MSH6: variants seen among roughly 807,000 people sequenced by gnomAD.
MSH6 encodes DNA mismatch repair protein Msh6.
In MSH6, 85 loss-of-function variants were observed where a neutral mutation model predicts 119.1. The ratio of observed to expected loss-of-function variants is 0.71; its 90% confidence interval spans 0.60 to 0.85. The LOEUF (loss-of-function observed/expected upper bound fraction) is 0.85, where lower values mean the gene tolerates loss of function less well. Among genes scored for constraint, MSH6 ranks in the 40% least tolerant of loss-of-function variants. The probability of loss-of-function intolerance (pLI) is 0.00; values close to 1 mark genes in which losing one functional copy is unlikely to be tolerated. For synonymous variants in MSH6, 830 were observed against 586.9 expected (o/e 1.41, Z -5.99); for missense variants, 2,163 against 1,655.3 (o/e 1.31, Z -5.32).
At position 47,805,733 on chromosome 2, in the gene MSH6, A is replaced by G. The variant is rs571283678; in HGVS notation, c.3646+26A>G. The G allele has an allele frequency of 8.8e-6, 11 of 1,254,966 alleles. No homozygotes were observed. The highest frequency in any genetic ancestry group is 1.2e-5 in the Non-Finnish European group (11 of 894,116). The allele number at this position is 1,254,966 out of a possible 1,614,324, so 77.7% of individuals were successfully genotyped here. On this transcript the variant is annotated intron_variant, in intron 7 of 9. Transcript: ENST00000234420. ...GTAAGACATTAAACTTCTCATTTGAAGACTATCTATCTTAAAAACATTTGT... is the reference window on the plus strand; with the variant it reads ...GTAAGACATTAAACTTCTCATTTGAGGACTATCTATCTTAAAAACATTTGT...
rs1572721819 is a variant in MSH6, at chr2:47,799,120, A to C, written c.1137A>C (p.Arg379Ser). Reference sequence around the variant, plus strand: ...AATGGCTTAAGGAGGAAAAGAGAAGAGATGAGCACAGGAGGAGGCCTGATC... The same window carrying C: ...AATGGCTTAAGGAGGAAAAGAGAAGCGATGAGCACAGGAGGAGGCCTGATC... ...TLEWLKEEKR[R>S]DEHRRRPDHP... The change falls in exon 4 of 10, where the codon AGA becomes AGC. Residue 379 changes from arginine (R) to serine (S), a missense_variant. Transcript: ENST00000234420. The C allele has an allele frequency of 6.2e-7, 1 of 1,614,178 alleles. No individual in the cohort carries two copies.
At position 47,806,935 on chromosome 2, in the gene MSH6, C is replaced by CTTTA; in HGVS notation, c.*79_*82dup. 1 of 1,133,820 alleles carries CTTTA rather than the reference C, an allele frequency of 8.8e-7. No individual in the cohort carries two copies. Among genetic ancestry groups the CTTTA allele is most frequent in the South Asian group, 1.3e-5 (1 of 76,432 alleles). 70.2% of individuals were successfully genotyped at this position (1,133,820 alleles called of 1,614,324 possible). A position where few individuals can be genotyped will look rare whatever the true frequency, so the allele number is the denominator to read the frequency against. On this transcript the variant is annotated 3_prime_UTR_variant, in exon 10 of 10. Coordinates refer to ENST00000234420, the MANE Select transcript of MSH6 (RefSeq NM_000179.3). Reference sequence around the variant, plus strand: ...TCAGACAACATTATGATCTAATAAACTTTATTTTTTAAAAATGACCATTTT... The same window carrying CTTTA: ...TCAGACAACATTATGATCTAATAAACTTTATTTATTTTTTAAAAATGACCATTTT...
At position 47,800,911 on chromosome 2, in the gene MSH6, T is replaced by C. The variant is rs764440377; in HGVS notation, c.2928T>C (p.Arg976=). 2.0e-5 allele frequency: 32 copies of C among 1,584,034 alleles called. No homozygotes were observed. In the South Asian group the frequency reaches 3.6e-4, roughly 18 times the overall value. ...TIVYWGIGRN[R]YQLEIPENFT... ...TCTATTGGGGGATTGGTAGGAACCGTTACCAGCTGGAAATTCCTGAGAATT... is the reference window on the plus strand; with the variant it reads ...TCTATTGGGGGATTGGTAGGAACCGCTACCAGCTGGAAATTCCTGAGAATT... The change falls in exon 4 of 10, where the codon CGT becomes CGC. Residue 976 remains arginine, a synonymous_variant. Coordinates refer to ENST00000234420, the MANE Select transcript of MSH6 (RefSeq NM_000179.3).
chr2:47,799,206 C>G lies in MSH6; in HGVS notation c.1223C>G (p.Pro408Arg), dbSNP rs767404845. ...VPEDFLNSCT[P>R]GMRKWWQIKS... ...GAGGATTTCCTCAATTCTTGTACTC[C>G]TGGGATGAGGAAGTGGTGGCAGATT... Residue 408 changes from proline to arginine, a missense_variant, in exon 4 of 10, where the codon CCT (proline) becomes CGT (arginine). Transcript: ENST00000234420. 1.2e-6 allele frequency: 2 copies of G among 1,614,128 alleles called. No individual in the cohort carries two copies. Among genetic ancestry groups the G allele is most frequent in the Non-Finnish European group, 1.7e-6 (2 of 1,180,016 alleles).
At chr2:47,788,400 G>A (rs542936058) in intron 1 of MSH6, among the ~76,000 whole-genome samples, 13 of 149,768 alleles carry the variant, frequency 8.7e-5, no homozygotes, top group Admixed American at 6.0e-4. Context: ...GATTACAGAT[G>A]CCCGCCACCA....
rs750800736 is a variant in MSH6 at position 47,799,878 on chromosome 2, A to C, written c.1895A>C (p.Lys632Thr). The C allele has an allele frequency of 6.2e-7, 1 of 1,614,182 alleles. No homozygotes were observed. The highest frequency in any genetic ancestry group is 8.5e-7 in the Non-Finnish European group (1 of 1,180,038). Residue 632 changes from lysine (K) to threonine (T), a missense_variant, in exon 4 of 10, where the codon AAA becomes ACA. Transcript: ENST00000234420. ...GGCTCCCAGTTTTGGGATGCATCCA[A>C]AACTTTGAGAACTCTCCTTGAGGAA... Reference protein sequence around the residue: ...IPGSQFWDASKTLRTLLEEEY... With the variant: ...IPGSQFWDASTTLRTLLEEEY...
At position 47,788,414 on chromosome 2, in the gene MSH6, C is replaced by T. The variant is rs371671277; in HGVS notation, c.261-2513C>T. ...GGATTACAGATGCCCGCCACCATGC[C>T]CAGCTAATTTTTATTTTTTTAGTAG... On this transcript the variant is annotated intron_variant, in intron 1 of 9. Transcript: ENST00000234420. Among the ~76,000 whole-genome samples, 86 of 150,552 alleles carry T rather than the reference C, an allele frequency of 5.7e-4. 1 individual carries two copies. In the South Asian group the frequency reaches 0.014, roughly 25 times the overall value.
At chr2:47,805,760 C>A (rs2104528699) in intron 7 of MSH6, 53 bp downstream of exon 7, 1 of 1,290,724 alleles carries the variant, frequency 7.7e-7, no homozygotes, top group Non-Finnish European at 1.1e-6. Flanking sequence ...AACATTTGTA[C>A]AAATAACTAT....
At chr2:47,808,446 A>C (rs1460227977), downstream of MSH6, 12 of 1,561,010 alleles carry the variant, frequency 7.7e-6, no homozygotes, top group Non-Finnish European at 1.0e-5. Context: ...CAAAAGCTTA[A>C]ATTACTTTTC....
At chr2:47,796,187 A>G (rs1558656915) in intron 3 of MSH6, 124 bp downstream of exon 3, 4 of 956,142 alleles carry the variant, frequency 4.2e-6, no homozygotes, top group Admixed American at 2.0e-5. Flanking sequence ...TTTATTATAC[A>G]TACATGCATA....
chr2:47,809,102 T>A, downstream of MSH6: 1 of 1,158,508 alleles, frequency 8.6e-7, no homozygotes, highest in Admixed American at 2.2e-5. Context: ...GCATTGCTAA[T>A]TTAAAAAGGA....
intron 2 of MSH6, among the ~76,000 whole-genome samples, chr2:47,793,168 A>C (rs1346459374): frequency 1.3e-5 from 2 of 151,700 alleles, no homozygotes; most frequent in Non-Finnish European, 2.9e-5. Flanking sequence ...TAAAAATACA[A>C]AAATTAGCTG....
At chr2:47,807,295 G>GTAGTT (rs1339815518), downstream of MSH6, 1 of 217,718 alleles carries the variant, frequency 4.6e-6, no homozygotes, top group African/African-American at 2.3e-5. Flanking sequence ...TTAAAACATA[G>GTAGTT]TAGTTTTTTA....
At chr2:47,785,967 CT>C (rs1414476245) in intron 1 of MSH6, among the ~76,000 whole-genome samples, 1 of 152,224 alleles carries the variant, frequency 6.6e-6, no homozygotes, top group Non-Finnish European at 1.5e-5. Context: ...TCTAAAGAAA[CT>C]GCAGTGTCTA....
chr2:47,802,635 G>GTTTTTT (rs527836963), intron 4 of MSH6, among the ~76,000 whole-genome samples: 1 of 115,908 alleles, frequency 8.6e-6, no homozygotes, highest in African/African-American at 3.1e-5. Context: ...GCCCAGCCCT[G>GTTTTTT]TTTTTTTTTT....
At chr2:47,784,617 C>T (rs904913013) in intron 1 of MSH6, 1 of 152,198 alleles carries the variant, frequency 6.6e-6, no homozygotes, top group Non-Finnish European at 1.5e-5. Flanking sequence ...AATGCGCCCC[C>T]ACACCCCGCC....
intron 1 of MSH6, among the ~76,000 whole-genome samples, chr2:47,785,553 C>T (rs1444537541): frequency 1.3e-5 from 2 of 152,160 alleles, no homozygotes; most frequent in African/African-American, 4.8e-5. Flanking sequence ...ATTTCAAATC[C>T]ATTTAAATCC....
chr2:47,805,569 A>AT (rs1669946836), intron 6 of MSH6, 49 bp from the exon 7 acceptor site: 2 of 1,197,532 alleles, frequency 1.7e-6, no homozygotes, highest in Non-Finnish European at 2.5e-6. Flanking sequence ...GAATTTATGT[A>AT]ATATGATTTG....
At chr2:47,794,644 C>T (rs1272562643) in intron 2 of MSH6, among the ~76,000 whole-genome samples, 2 of 151,988 alleles carry the variant, frequency 1.3e-5, no homozygotes, top group African/African-American at 2.4e-5. Context: ...AACTGGGCTG[C>T]CCTTTCAAAA....
Sources: gnomAD v4.1 joint callset for allele counts (sites outside exome capture counted in the v4.1 genomes callset) on GRCh38, gnomAD v4.1.1 for gene constraint, MANE v1.5 for transcripts, NCBI Gene and HGNC (gene_info 2026-07-23, HGNC 2026-07-21) for gene names.